The following TRAPPC3L variants were observed in gnomAD, a reference collection of about 807,000 sequenced individuals.
TRAPPC3L encodes trafficking protein particle complex subunit 3-like protein.
TRAPPC3L carries 23 observed loss-of-function variants against 23.7 expected under a neutral mutation model. The ratio of observed to expected loss-of-function variants is 0.97; its 90% confidence interval spans 0.70 to 1.37. The LOEUF is 1.37. Among genes scored for constraint, TRAPPC3L ranks in the 40% most tolerant of loss-of-function variants. The pLI is 0.00. For missense variants in TRAPPC3L, 212 were observed against 216.8 expected, an observed-to-expected ratio of 0.98 and a Z score of 0.14; for synonymous variants, 81 against 77.9, an observed-to-expected ratio of 1.04 and a Z score of -0.21.
At chr6:116,497,904 T>A (rs918279942) in intron 4 of TRAPPC3L, among the ~76,000 whole-genome samples, 4 of 152,194 alleles carry the variant, frequency 2.6e-5, no homozygotes, top group African/African-American at 9.7e-5. Flanking sequence ...CCTAACTCAG[T>A]CCCCTCTCTC....
intron 3 of TRAPPC3L, chr6:116,517,513 G>C (rs1402767044): frequency 6.6e-6 from 1 of 152,144 alleles, no homozygotes; most frequent in Non-Finnish European, 1.5e-5. Flanking sequence ...ATGTCTCTTA[G>C]TTTGAGAAAG....
chr6:116,501,115 AG>A, intron 3 of TRAPPC3L, among the ~76,000 whole-genome samples: 1 of 152,264 alleles, frequency 6.6e-6, no homozygotes. Flanking sequence ...CTGTACTTGG[AG>A]GAACTGTACA....
chr6:116,521,834 C>T (rs1772348924), intron 3 of TRAPPC3L: 1 of 152,126 alleles, frequency 6.6e-6, no homozygotes, highest in Admixed American at 6.5e-5. Context: ...TTGAATCTGA[C>T]CTTATGAACC....
intron 3 of TRAPPC3L, chr6:116,515,905 C>A (rs1386515272): frequency 2.5e-6 from 4 of 1,613,792 alleles, no homozygotes; most frequent in East Asian, 2.2e-5. Context: ...GCACCCTCCA[C>A]AGAGTGGTGG....
chr6:116,511,912 G>T, intron 3 of TRAPPC3L: 1 of 1,614,014 alleles, frequency 6.2e-7, no homozygotes, highest in Non-Finnish European at 8.5e-7. Flanking sequence ...TGAACAATAG[G>T]TCGTGGAGAC....
intron 3 of TRAPPC3L, chr6:116,515,491 G>T (rs1221007100): frequency 9.0e-7 from 1 of 1,108,298 alleles, no homozygotes; most frequent in Non-Finnish European, 1.3e-6. Context: ...TTCAAATGAG[G>T]TATGTCAAAG....
chr6:116,505,465 C>T (rs369111989), intron 3 of TRAPPC3L, among the ~76,000 whole-genome samples: 40 of 151,984 alleles, frequency 2.6e-4, no homozygotes, highest in Non-Finnish European at 4.1e-4. Context: ...ATAGATTCAA[C>T]GCCATCCCCA....
intron 4 of TRAPPC3L, among the ~76,000 whole-genome samples, chr6:116,498,885 A>G (rs942208383): frequency 3.3e-5 from 5 of 151,768 alleles, no homozygotes; most frequent in Non-Finnish European, 4.4e-5. Flanking sequence ...ATTATATTTT[A>G]TTGCTTCCTA....
At chr6:116,523,744 T>C (rs1772389334) in intron 3 of TRAPPC3L, 1 of 152,168 alleles carries the variant, frequency 6.6e-6, no homozygotes, top group Non-Finnish European at 1.5e-5. Context: ...ATCAAGTATT[T>C]AGACATTACT....
At chr6:116,506,605 G>A (rs1192413524) in intron 3 of TRAPPC3L, among the ~76,000 whole-genome samples, 3 of 152,140 alleles carry the variant, frequency 2.0e-5, no homozygotes, top group Admixed American at 6.6e-5. Flanking sequence ...CAAAGACTTG[G>A]AACCAACCCA....
intron 3 of TRAPPC3L, among the ~76,000 whole-genome samples, chr6:116,506,415 G>A (rs1772008515): frequency 6.6e-6 from 1 of 152,164 alleles, no homozygotes; most frequent in African/African-American, 2.4e-5. Flanking sequence ...CACTGTTGGT[G>A]GGAGTGTAAA....
At chr6:116,515,774 G>C (rs756870417) in intron 3 of TRAPPC3L, 1 of 1,614,006 alleles carries the variant, frequency 6.2e-7, no homozygotes, top group South Asian at 1.1e-5. Flanking sequence ...CAAGCTGAGC[G>C]AGAGGAACCT....
chr6:116,545,488 T>C lies in TRAPPC3L; in HGVS notation c.27A>G (p.Pro9=), dbSNP rs1317659865. The change falls in exon 1 of 5, where the codon CCA becomes CCG. Residue 9 remains proline (P), a synonymous_variant. Transcript: ENST00000368602. MSRPAHRR[P]EYHKINKDLF... The stretch of plus-strand genomic sequence containing the variant: ...AAGATCTTACTATTTTATGGTATTC[T>C]GGTCTTCGGTGTGCAGGGCGAGACA... The C allele has an allele frequency of 2.6e-6, 4 of 1,548,366 alleles. No homozygotes were observed.
At chr6:116,542,310 A>T (rs1398495619) in intron 2 of TRAPPC3L, among the ~76,000 whole-genome samples, 1 of 152,104 alleles carries the variant, frequency 6.6e-6, no homozygotes, top group Non-Finnish European at 1.5e-5. Flanking sequence ...AAAAAAAGTC[A>T]TGTGTACAAA....
At chr6:116,500,827 T>A (rs1476461389) in intron 3 of TRAPPC3L, among the ~76,000 whole-genome samples, 161 bp from the exon 4 acceptor site, 1 of 152,228 alleles carries the variant, frequency 6.6e-6, no homozygotes, top group Non-Finnish European at 1.5e-5. Flanking sequence ...AATTTATTGA[T>A]CCTATGATGT....
At chr6:116,517,353 C>T (rs1213889626) in intron 3 of TRAPPC3L, 1 of 152,102 alleles carries the variant, frequency 6.6e-6, no homozygotes, top group East Asian at 1.9e-4. Flanking sequence ...GCAAATCTTG[C>T]ATTCTACAAT....
At chr6:116,513,034 C>A (rs1484510671) in intron 3 of TRAPPC3L, among the ~76,000 whole-genome samples, 1 of 152,140 alleles carries the variant, frequency 6.6e-6, no homozygotes, top group Non-Finnish European at 1.5e-5. Flanking sequence ...GATGTACAGC[C>A]TTAGGAAGGA....
In TRAPPC3L at chr6:116,496,085, G is replaced by A. The variant is rs541140220; in HGVS notation, c.*869C>T. The A allele has an allele frequency of 1.2e-3, 177 of 152,290 alleles. No homozygotes were observed. Among genetic ancestry groups the A allele is most frequent in the African/African-American group, 4.2e-3 (173 of 41,570 alleles). The allele number at this position is 152,290 out of a possible 1,614,324, so 9.4% of individuals were successfully genotyped here. ...GCCGCCCTTGTGTGCCAGTGGTCTG[G>A]TGAAGATTACTGTGTATTTAATTCG... On this transcript the variant is annotated 3_prime_UTR_variant, in exon 5 of 5. Transcript: ENST00000368602.
chr6:116,511,681 T>G (rs1364795237), intron 3 of TRAPPC3L: 2 of 1,608,444 alleles, frequency 1.2e-6, no homozygotes, highest in Admixed American at 3.4e-5. Context: ...GCATTTTCCC[T>G]CTGTGCATCT....
Sources: gnomAD v4.1 joint callset for allele counts (sites outside exome capture counted in the v4.1 genomes callset) on GRCh38, gnomAD v4.1.1 for gene constraint, MANE v1.5 for transcripts, NCBI Gene and HGNC (gene_info 2026-07-23, HGNC 2026-07-21) for gene names.